The following PKP4 variants were observed in gnomAD, a reference collection of about 807,000 sequenced individuals.
PKP4 encodes plakophilin 4, also known as plakophilin-4.
Under a neutral mutation model 145.1 loss-of-function variants are expected in PKP4, and 90 were observed. The ratio of observed to expected loss-of-function variants is 0.62; its 90% CI spans 0.52 to 0.74. PKP4 has a LOEUF of 0.74. Among genes scored for constraint, PKP4 ranks in the 30% least tolerant of loss-of-function variants. PKP4 has a pLI of 0.00. For synonymous variants in PKP4, 563 were observed against 577.2 expected (o/e 0.98, Z 0.35); for missense variants, 1,340 against 1,482.7 (o/e 0.90, Z 1.58).
intron 2 of PKP4, among the ~76,000 whole-genome samples, chr2:158,573,027 A>G (rs2047538347): frequency 1.3e-5 from 2 of 152,238 alleles, no homozygotes; most frequent in African/African-American, 4.8e-5. Flanking sequence ...CTGGAGAAGT[A>G]TGATTCATGT....
At chr2:158,577,430 C>T in intron 3 of PKP4, 47 bp downstream of exon 3, 1 of 1,184,778 alleles carries the variant, frequency 8.4e-7, no homozygotes, top group Non-Finnish European at 1.2e-6. Flanking sequence ...AGTTACATGC[C>T]TTACTAGGTT....
chr2:158,481,485 GCA>G (rs1176512037), intron 1 of PKP4, among the ~76,000 whole-genome samples: 1 of 152,144 alleles, frequency 6.6e-6, no homozygotes, highest in Non-Finnish European at 1.5e-5. Flanking sequence ...CAAAGCAGCT[GCA>G]CAGTTTTTAC....
At chr2:158,491,699 T>C (rs1694964131) in intron 1 of PKP4, among the ~76,000 whole-genome samples, 1 of 152,116 alleles carries the variant, frequency 6.6e-6, no homozygotes, top group South Asian at 2.1e-4. Context: ...TCGTTTGTTC[T>C]CCCTTCACCC....
At chr2:158,468,703 C>T (rs1691046624) in intron 1 of PKP4, among the ~76,000 whole-genome samples, 2 of 150,402 alleles carry the variant, frequency 1.3e-5, no homozygotes, top group African/African-American at 4.9e-5. Context: ...ATACCTGATA[C>T]TTTAAAAGGT....
chr2:158,662,319 T>C (rs1203824729), intron 13 of PKP4: 1 of 152,234 alleles, frequency 6.6e-6, no homozygotes, highest in Non-Finnish European at 1.5e-5. Context: ...AGACAAATGC[T>C]GAACTTGGTT....
chr2:158,495,291 C>G (rs149570187), intron 1 of PKP4, among the ~76,000 whole-genome samples: 27 of 150,746 alleles, frequency 1.8e-4, no homozygotes, highest in African/African-American at 6.6e-4. Context: ...AATGATAAAA[C>G]CTCATGTGGA....
In PKP4 at chr2:158,624,960, G is replaced by A. The variant is rs573692425; in HGVS notation, c.686G>A (p.Gly229Asp). 1 of 1,614,062 alleles carries A rather than the reference G, an allele frequency of 6.2e-7. No individual in the cohort carries two copies. Among genetic ancestry groups the A allele is most frequent in the East Asian group, 2.2e-5 (1 of 44,882 alleles). Reference protein sequence around the residue: ...AQSPSYVISTGVSPSRGSLRT... With the variant: ...AQSPSYVISTDVSPSRGSLRT... ...TCTCCTTCTTATGTTATCAGCACAG[G>A]CGTGTCTCCTTCAAGGGGGTCTCTG... The change falls in exon 7 of 22, where the codon GGC becomes GAC. Residue 229 changes from glycine to aspartate, a missense_variant. Coordinates refer to ENST00000389759, the MANE Select transcript of PKP4 (RefSeq NM_003628.6).
chr2:158,462,111 A>G (rs940971776), intron 1 of PKP4, among the ~76,000 whole-genome samples: 2 of 152,226 alleles, frequency 1.3e-5, no homozygotes, highest in East Asian at 1.9e-4. Context: ...CAGTTTACAA[A>G]TAGACTTTTG....
At chr2:158,670,797 G>A (rs2057488223) in intron 17 of PKP4, among the ~76,000 whole-genome samples, 1 of 152,186 alleles carries the variant, frequency 6.6e-6, no homozygotes, top group Admixed American at 6.5e-5. Context: ...CTTTGCTTCT[G>A]CATGACACCT....
chr2:158,496,100 C>A (rs2105478982), intron 1 of PKP4, among the ~76,000 whole-genome samples: 1 of 151,938 alleles, frequency 6.6e-6, no homozygotes, highest in Non-Finnish European at 1.5e-5. Flanking sequence ...CCCACCTCAG[C>A]CTCCTGAGTA....
intron 7 of PKP4, 99 bp from the exon 8 acceptor site, chr2:158,631,654 G>C: frequency 9.6e-7 from 1 of 1,041,034 alleles, no homozygotes; most frequent in Non-Finnish European, 1.5e-6. Context: ...GTCTCCCAAA[G>C]TGCTGGGATT....
intron 1 of PKP4, among the ~76,000 whole-genome samples, chr2:158,485,861 G>T (rs1694090869): frequency 3.3e-5 from 5 of 152,126 alleles, no homozygotes. Context: ...CATCCTTAAT[G>T]TCAATAATTA....
chr2:158,679,715 C>T (rs944362077), intron 21 of PKP4, among the ~76,000 whole-genome samples: 1 of 152,220 alleles, frequency 6.6e-6, no homozygotes, highest in Admixed American at 6.5e-5. Context: ...TGGGTGCCCA[C>T]GTGTGCCTGG....
At chr2:158,653,217 C>T (rs147354696) in intron 11 of PKP4, among the ~76,000 whole-genome samples, 139 of 148,022 alleles carry the variant, frequency 9.4e-4, no homozygotes, top group African/African-American at 3.2e-3. Flanking sequence ...ATATCTGCCA[C>T]CAGAGAAATC....
intron 6 of PKP4, among the ~76,000 whole-genome samples, chr2:158,624,447 A>C (rs926587985): frequency 6.6e-6 from 1 of 152,238 alleles, no homozygotes; most frequent in South Asian, 2.1e-4. Context: ...TTTTTGTTTT[A>C]CATAAATGCA....
Position 158,578,160 on chromosome 2 carries a change from A to G in PKP4, c.245+777A>G, listed in dbSNP as rs141078643. 2.3e-4 allele frequency: 50 copies of G among 215,184 alleles called. No homozygotes were observed. The East Asian group carries it at 5.9e-3, about 25-fold the overall frequency. The allele number at this position is 215,184 out of a possible 1,614,324, so 13.3% of individuals were successfully genotyped here. ...TTATTTCTAACCTCATAATTATTCT[A>G]CTTTTCAGTATCTTGTGTTACTCAT... is the stretch of plus-strand genomic sequence containing the variant. On this transcript the variant is annotated intron_variant, in intron 3 of 21. Transcript: ENST00000389759.
chr2:158,673,427 C>T (rs953965881), intron 17 of PKP4, among the ~76,000 whole-genome samples: 1 of 152,222 alleles, frequency 6.6e-6, no homozygotes, highest in African/African-American at 2.4e-5. Context: ...TCAGGTTCGT[C>T]CCGGCCACAG....
rs191813603 is a variant in PKP4 at position 158,469,040 on chromosome 2, A to G, written c.-6+11822A>G. Among the ~76,000 whole-genome samples, 640 of 151,260 alleles carry G rather than the reference A, an allele frequency of 4.2e-3. 5 individuals are homozygous for G. The highest frequency in any genetic ancestry group is 0.014 in the African/African-American group (565 of 41,246). ...GCAATCCTCCTGCCTCAGCATCCCA[A>G]AGTGCTGGGATTACAGGCATGAACC... On this transcript the variant is annotated intron_variant, in intron 1 of 21. Transcript: ENST00000389759.
At chr2:158,476,261 A>C (rs148030120) in intron 1 of PKP4, among the ~76,000 whole-genome samples, 2 of 152,288 alleles carry the variant, frequency 1.3e-5, no homozygotes, top group East Asian at 3.9e-4. Flanking sequence ...TACAGCGAAA[A>C]ATGTGCTGGG....
Sources: allele counts gnomAD v4.1 joint callset (sites outside exome capture counted in the v4.1 genomes callset), GRCh38; gene constraint gnomAD v4.1.1; transcripts MANE v1.5; gene names NCBI Gene and HGNC (gene_info 2026-07-23, HGNC 2026-07-21).